The following TCF4 variants were observed in gnomAD, a reference collection of about 807,000 sequenced individuals.
TCF4 encodes the protein SL3-3 enhancer factor 2.
A neutral mutation model predicts 82.1 loss-of-function variants in TCF4; 3 were observed. The ratio of observed to expected loss-of-function variants is 0.04; its 90% CI spans 0.02 to 0.09. The LOEUF (loss-of-function observed/expected upper bound fraction) is 0.09. Among genes scored for constraint, TCF4 ranks in the 10% least tolerant of loss-of-function variants. TCF4 has a pLI of 1.00. For missense variants in TCF4, 518 were observed against 852.7 expected, an observed-to-expected ratio of 0.61 and a Z score of 4.89; for synonymous variants, 276 against 309.6, an observed-to-expected ratio of 0.89 and a Z score of 1.14.
chr18:55,616,029 A>T (rs1260686895), intron 2 of TCF4, among the ~76,000 whole-genome samples: 1 of 150,618 alleles, frequency 6.6e-6, no homozygotes, highest in African/African-American at 2.4e-5. Flanking sequence ...TTCAGTGCAC[A>T]TAGAGTATTG....
intron 8 of TCF4, among the ~76,000 whole-genome samples, chr18:55,304,021 A>G (rs2069290640): frequency 6.6e-6 from 1 of 152,232 alleles, no homozygotes; most frequent in African/African-American, 2.4e-5. Context: ...TTTCTAAATA[A>G]AGCTGGAAAG....
chr18:55,404,688 A>G (rs2146521879), intron 5 of TCF4, among the ~76,000 whole-genome samples: 1 of 152,300 alleles, frequency 6.6e-6, no homozygotes, highest in Non-Finnish European at 1.5e-5. Flanking sequence ...GGTCAATGGC[A>G]ATGGCAATGT....
At chr18:55,413,143 A>G (rs896548986) in intron 5 of TCF4, among the ~76,000 whole-genome samples, 1 of 152,208 alleles carries the variant, frequency 6.6e-6, no homozygotes, top group Non-Finnish European at 1.5e-5. Flanking sequence ...GGACATGACA[A>G]TGTTATATAC....
chr18:55,535,572 T>C (rs2097107645), intron 3 of TCF4, among the ~76,000 whole-genome samples: 1 of 152,250 alleles, frequency 6.6e-6, no homozygotes, highest in Non-Finnish European at 1.5e-5. Flanking sequence ...TTTCATTGTC[T>C]GTGAACTCTA....
intron 8 of TCF4, chr18:55,322,030 G>A (rs1223588169): frequency 8.6e-7 from 1 of 1,157,558 alleles, no homozygotes; most frequent in East Asian, 3.8e-5. Context: ...GTTTTTATTA[G>A]TTCCTCGAAT....
chr18:55,340,262 CCGA>C (rs2079579755), intron 8 of TCF4, among the ~76,000 whole-genome samples: 2 of 152,250 alleles, frequency 1.3e-5, no homozygotes, highest in African/African-American at 4.8e-5. Flanking sequence ...GGCATCACAG[CCGA>C]TGTACCAGTT....
chr18:55,346,409 A>G (rs1003234729), intron 8 of TCF4, among the ~76,000 whole-genome samples: 6 of 152,148 alleles, frequency 3.9e-5, no homozygotes, highest in African/African-American at 1.2e-4. Flanking sequence ...ATCTCTGACC[A>G]CTTAAAGTTT....
chr18:55,393,403 A>T (rs1334819132), intron 6 of TCF4, among the ~76,000 whole-genome samples: 1 of 152,148 alleles, frequency 6.6e-6, no homozygotes, highest in African/African-American at 2.4e-5. Flanking sequence ...TATTTAATCC[A>T]ATAGGAATTC....
At chr18:55,339,581 G>C (rs996005385) in intron 8 of TCF4, among the ~76,000 whole-genome samples, 1 of 152,092 alleles carries the variant, frequency 6.6e-6, no homozygotes, top group Non-Finnish European at 1.5e-5. Context: ...GACTTTTCCC[G>C]AGGAATCTAA....
chr18:55,464,473 T>C lies in TCF4; in HGVS notation c.146-336A>G, dbSNP rs142938020. The stretch of plus-strand genomic sequence containing the variant: ...GGATAAAATAAGTTTAAAAATGCAC[T>C]AACATAACTTTAATGCAAAAAAAGT... On this transcript the variant is annotated intron_variant, in intron 3 of 19. Transcript: ENST00000354452. Among the ~76,000 whole-genome samples, 196 of 152,336 alleles carry C rather than the reference T, an allele frequency of 1.3e-3. 1 individual carries two copies. Among genetic ancestry groups the C allele is most frequent in the Non-Finnish European group, 1.5e-3 (103 of 68,028 alleles).
chr18:55,409,217 A>G (rs1052249331), intron 5 of TCF4, among the ~76,000 whole-genome samples: 2 of 152,238 alleles, frequency 1.3e-5, no homozygotes, highest in Non-Finnish European at 2.9e-5. Context: ...TCTATAGAAT[A>G]GTGATCCCAC....
At chr18:55,370,187 CAGG>C (rs1326396887) in intron 6 of TCF4, among the ~76,000 whole-genome samples, 2 of 152,156 alleles carry the variant, frequency 1.3e-5, no homozygotes, top group Non-Finnish European at 2.9e-5. Context: ...CGCTTGAGCC[CAGG>C]AGTTTGAAAG....
intron 5 of TCF4, among the ~76,000 whole-genome samples, chr18:55,445,960 G>A (rs2095517703): frequency 6.6e-6 from 1 of 152,128 alleles, no homozygotes; most frequent in African/African-American, 2.4e-5. Context: ...ATGGCTCTAA[G>A]AGTTCACATT....
At position 55,297,642 on chromosome 18, in the gene TCF4, T is replaced by C. The variant is rs540110681; in HGVS notation, c.550-17986A>G. On this transcript the variant is annotated intron_variant, in intron 8 of 19. Transcript: ENST00000354452. ...TTGTGCTGGCATCCTCTTTCCTCAATTTATAACTGTAACTCTCTGATTCAA... is the reference window on the plus strand; with the variant it reads ...TTGTGCTGGCATCCTCTTTCCTCAACTTATAACTGTAACTCTCTGATTCAA... Among the ~76,000 whole-genome samples the C allele has an allele frequency of 2.0e-5, 3 of 152,266 alleles. No individual in the cohort carries two copies. The South Asian group carries it at 6.2e-4, about 32-fold the overall frequency.
At chr18:55,536,480 T>C (rs965299019) in intron 3 of TCF4, among the ~76,000 whole-genome samples, 1 of 152,186 alleles carries the variant, frequency 6.6e-6, no homozygotes, top group African/African-American at 2.4e-5. Flanking sequence ...AGTGCCATCC[T>C]AAAAGCATAC....
chr18:55,419,614 ATACTT>A (rs1457308694), intron 5 of TCF4, among the ~76,000 whole-genome samples: 4 of 152,214 alleles, frequency 2.6e-5, no homozygotes, highest in African/African-American at 9.6e-5. Context: ...CATGAGTAAT[ATACTT>A]AGGGAAATCA....
At chr18:55,422,141 A>T in intron 5 of TCF4, 1 of 896,012 alleles carries the variant, frequency 1.1e-6, no homozygotes, top group East Asian at 1.2e-4. Context: ...AAAAAAAAAA[A>T]AAAAAAACCC....
In TCF4 at chr18:55,620,762, G is replaced by A. The variant is rs565915188; in HGVS notation, c.286+10536C>T. 2.0e-5 allele frequency among the ~76,000 whole-genome samples: 3 copies of A among 151,030 alleles called. No individual in the cohort carries two copies. The South Asian group carries it at 6.3e-4, about 32-fold the overall frequency. On this transcript the variant is annotated intron_variant, in intron 2 of 20. Transcript: ENST00000398339. ...AGTATTCTTTGTCGTCCATTGCCCA[G>A]CAAAGTGAAATTATTATCTCATATA...
chr18:55,543,384 C>G (rs570062654), intron 3 of TCF4, among the ~76,000 whole-genome samples: 3 of 152,160 alleles, frequency 2.0e-5, no homozygotes, highest in South Asian at 2.1e-4. Context: ...AAGTGCTCAA[C>G]AAAGATAAGG....
Sources: allele counts gnomAD v4.1 joint callset (sites outside exome capture counted in the v4.1 genomes callset), GRCh38; gene constraint gnomAD v4.1.1; transcripts MANE v1.5; gene names NCBI Gene and HGNC (gene_info 2026-07-23, HGNC 2026-07-21).